GIGYF2: variants seen among roughly 807,000 people sequenced by gnomAD.
GIGYF2 encodes the protein GRB10-interacting GYF protein 2.
A neutral mutation model predicts 208.1 loss-of-function variants in GIGYF2; 25 were observed. The ratio of observed to expected loss-of-function variants is 0.12; its 90% CI spans 0.09 to 0.17. The LOEUF (loss-of-function observed/expected upper bound fraction) is 0.17, where lower values mean the gene tolerates loss of function less well. Among genes scored for constraint, GIGYF2 ranks in the 10% least tolerant of loss-of-function variants. The pLI is 1.00. For synonymous variants in GIGYF2, 534 were observed against 543.8 expected (o/e 0.98, Z 0.25); for missense variants, 1,302 against 1,579.4 (o/e 0.82, Z 2.98).
intron 2 of GIGYF2, chr2:232,730,264 G>T: frequency 1.3e-6 from 1 of 752,400 alleles, no homozygotes; most frequent in Non-Finnish European, 2.2e-6. Flanking sequence ...ACCCTGTGCT[G>T]AAAGAGGAAA....
intron 20 of GIGYF2, 32 bp downstream of exon 20, chr2:232,817,064 A>T (rs747947271): frequency 4.6e-6 from 7 of 1,520,052 alleles, no homozygotes; most frequent in African/African-American, 1.4e-5. Context: ...CCATAGGATT[A>T]GTGCTTGATG....
At chr2:232,828,371 C>CT (rs766631473) in intron 21 of GIGYF2, among the ~76,000 whole-genome samples, 80 of 138,844 alleles carry the variant, frequency 5.8e-4, no homozygotes, top group East Asian at 1.9e-3. Context: ...AATTTATTGA[C>CT]TTTTTTTTTT....
chr2:232,784,386 C>CTTTTTGTTTT (rs1699831755), intron 8 of GIGYF2, among the ~76,000 whole-genome samples: 1 of 92,312 alleles, frequency 1.1e-5, no homozygotes, highest in Non-Finnish European at 2.0e-5. Context: ...GAAATAATTT[C>CTTTTTGTTTT]TTTTTTTTTT....
rs1006682688 is a variant in GIGYF2, at chr2:232,819,542, G to A, written c.2371-285G>A. Reference sequence around the variant, plus strand: ...ATACTTCTAATGTAGCTCTTTCTACGGTTAATCAGTAAATGATGTAGCTAA... The same window carrying A: ...ATACTTCTAATGTAGCTCTTTCTACAGTTAATCAGTAAATGATGTAGCTAA... On this transcript the variant is annotated intron_variant, in intron 20 of 28. Transcript: ENST00000373563. 2.6e-5 allele frequency among the ~76,000 whole-genome samples: 4 copies of A among 152,072 alleles called. No homozygotes were observed. The highest frequency in any genetic ancestry group is 2.9e-5 in the Non-Finnish European group (2 of 68,020).
chr2:232,835,713 T>C (rs1393765872), intron 22 of GIGYF2, among the ~76,000 whole-genome samples: 1 of 152,180 alleles, frequency 6.6e-6, no homozygotes, highest in Non-Finnish European at 1.5e-5. Flanking sequence ...AAGCCCTTGC[T>C]CTTGCCCATG....
intron 26 of GIGYF2, among the ~76,000 whole-genome samples, 164 bp from the exon 27 acceptor site, chr2:232,847,184 G>A (rs1702033514): frequency 6.6e-6 from 1 of 152,038 alleles, no homozygotes; most frequent in African/African-American, 2.4e-5. Flanking sequence ...CATTTCTATA[G>A]GGTAGATAAA....
At chr2:232,751,237 CTG>C (rs1451190300) in intron 5 of GIGYF2, among the ~76,000 whole-genome samples, 1 of 152,158 alleles carries the variant, frequency 6.6e-6, no homozygotes, top group Non-Finnish European at 1.5e-5. Flanking sequence ...CTCTTTGAGA[CTG>C]AGTCTTGCTC....
chr2:232,704,856 A>ATTTTTTTTTTTT (rs10689292), intron 2 of GIGYF2, among the ~76,000 whole-genome samples: 9 of 101,958 alleles, frequency 8.8e-5, no homozygotes, highest in Admixed American at 2.5e-4. Flanking sequence ...TAACTTCTGG[A>ATTTTTTTTTTTT]TTTTTTTTTT....
chr2:232,812,331 CTTTTT>C, intron 17 of GIGYF2, 55 bp from the exon 18 acceptor site: 1 of 701,024 alleles, frequency 1.4e-6, no homozygotes, highest in Non-Finnish European at 2.6e-6. Flanking sequence ...TCCTCTTCAT[CTTTTT>C]TTTTTTTTCC....
intron 2 of GIGYF2, chr2:232,730,065 G>A (rs765491277): frequency 6.3e-5 from 64 of 1,015,014 alleles, no homozygotes; most frequent in Non-Finnish European, 8.9e-5. Context: ...GTCAGCAGGC[G>A]GTGGGCCAGA....
intron 9 of GIGYF2, among the ~76,000 whole-genome samples, chr2:232,789,471 G>A (rs1159713442): frequency 3.9e-5 from 6 of 152,166 alleles, no homozygotes; most frequent in East Asian, 1.9e-4. Context: ...AGGTTTCCAC[G>A]TAAGCAGTCT....
intron 16 of GIGYF2, 149 bp downstream of exon 16, chr2:232,809,960 C>A (rs1574910428): frequency 1.5e-6 from 1 of 655,926 alleles, no homozygotes; most frequent in African/African-American, 1.8e-5. Flanking sequence ...GCCACCATAC[C>A]TTCTAATTTT....
rs1559160409 is a variant in GIGYF2, at chr2:232,836,295, TATA to T, written c.2766+3203_2766+3205del. Among the ~76,000 whole-genome samples the T allele has an allele frequency of 2.1e-3, 67 of 31,898 alleles. 5 individuals are homozygous for T. The highest frequency in any genetic ancestry group is 3.6e-3 in the Admixed American group (8 of 2,216). The allele number at this position is 31,898 out of a possible 152,430, so 20.9% of individuals were successfully genotyped here. ...ATATATATATATATATATATATATA[TATA>T]TATATATATATATATATATATATAT... On this transcript the variant is annotated intron_variant, in intron 22 of 28. Coordinates refer to ENST00000373563, the MANE Select transcript of GIGYF2 (RefSeq NM_001103146.3).
At position 232,837,541 on chromosome 2, in the gene GIGYF2, G is replaced by A. The variant is rs371316287; in HGVS notation, c.2767-2308G>A. ...ACGATCTCAGCTCACTGCAACCTCC[G>A]CCTCCTGAGTTCAAGCGATCCTCCT... On this transcript the variant is annotated intron_variant, in intron 22 of 28. Transcript: ENST00000373563. Among the ~76,000 whole-genome samples, 33 of 152,170 alleles carry A rather than the reference G, an allele frequency of 2.2e-4. No homozygotes were observed. In the East Asian group the frequency reaches 4.6e-3, roughly 21 times the overall value.
At chr2:232,734,273 C>A (rs78231049) in intron 2 of GIGYF2, 2,590 of 152,114 alleles carry the variant, frequency 0.017, 37 homozygotes, top group Non-Finnish European at 0.029. Flanking sequence ...ATCGTCTAGG[C>A]TGGAGTGCAG....
rs1401172578 is a variant in GIGYF2, at chr2:232,706,903, A to T, written c.-44+3414A>T. On this transcript the variant is annotated intron_variant, in intron 2 of 28. Coordinates refer to ENST00000373563, the MANE Select transcript of GIGYF2 (RefSeq NM_001103146.3). ...TGAGGCTGTACTGAGCCGTGATTGC[A>T]CCACTGCATCCCTACCTGGGTAACA... Among the ~76,000 whole-genome samples, 3 of 148,612 alleles carry T rather than the reference A, an allele frequency of 2.0e-5. No individual in the cohort carries two copies. The East Asian group carries it at 6.0e-4, about 30-fold the overall frequency.
chr2:232,757,885 T>A (rs2106323266), intron 6 of GIGYF2, among the ~76,000 whole-genome samples: 1 of 151,854 alleles, frequency 6.6e-6, no homozygotes, highest in East Asian at 1.9e-4. Flanking sequence ...AAATGAAGGG[T>A]TATCACATAT....
chr2:232,775,631 A>G (rs904321429), intron 8 of GIGYF2, among the ~76,000 whole-genome samples: 2 of 152,174 alleles, frequency 1.3e-5, no homozygotes, highest in Non-Finnish European at 2.9e-5. Flanking sequence ...ATTTGGAGGA[A>G]AAATAGTACC....
chr2:232,724,342 G>A (rs1697095044), intron 2 of GIGYF2, among the ~76,000 whole-genome samples: 1 of 151,468 alleles, frequency 6.6e-6, no homozygotes, highest in Non-Finnish European at 1.5e-5. Flanking sequence ...GCAGGTGTGA[G>A]CAACTGTGCT....
Sources: allele counts gnomAD v4.1 joint callset (sites outside exome capture counted in the v4.1 genomes callset), GRCh38; gene constraint gnomAD v4.1.1; transcripts MANE v1.5; gene names NCBI Gene and HGNC (gene_info 2026-07-23, HGNC 2026-07-21).